CWC27: variants seen among roughly 807,000 people sequenced by gnomAD.
CWC27 encodes CWC27 spliceosome associated cyclophilin, also known as spliceosome-associated protein CWC27 homolog.
Under a neutral mutation model 63.6 loss-of-function variants are expected in CWC27, and 47 were observed. The ratio of observed to expected loss-of-function variants is 0.74; its 90% CI spans 0.58 to 0.94. CWC27 has a LOEUF of 0.94. Ranked by LOEUF, CWC27 falls within the 40% of genes least tolerant of loss-of-function variation. The probability of loss-of-function intolerance (pLI) is 0.00; values close to 1 mark genes in which losing one functional copy is unlikely to be tolerated. For missense variants in CWC27, 495 were observed against 554.3 expected, an observed-to-expected ratio of 0.89 and a Z score of 1.07; for synonymous variants, 175 against 179.8, an observed-to-expected ratio of 0.97 and a Z score of 0.22.
chr5:64,810,690 G>A (rs1744850582), intron 10 of CWC27, among the ~76,000 whole-genome samples: 1 of 151,500 alleles, frequency 6.6e-6, no homozygotes, highest in South Asian at 2.1e-4. Context: ...CATTAATTTG[G>A]GGCAATATAC....
chr5:64,816,932 T>C (rs1225251496), intron 10 of CWC27, among the ~76,000 whole-genome samples: 2 of 152,142 alleles, frequency 1.3e-5, no homozygotes, highest in Non-Finnish European at 2.9e-5. Flanking sequence ...GCTGATCACC[T>C]TGTATTTCAT....
intron 10 of CWC27, among the ~76,000 whole-genome samples, chr5:64,869,291 C>T (rs1156511402): frequency 1.3e-5 from 2 of 152,066 alleles, no homozygotes; most frequent in Admixed American, 1.3e-4. Flanking sequence ...TAAGAACCCA[C>T]ATAAATATAA....
chr5:64,916,885 T>TTAGTATTAGTAGTAG (rs777253798), intron 11 of CWC27, among the ~76,000 whole-genome samples: 1,581 of 144,022 alleles, frequency 0.011, 29 homozygotes, highest in African/African-American at 0.039. Flanking sequence ...AGTAGTAGTA[T>TTAGTATTAGTAGTAG]TAGTAGTAGT....
At chr5:64,937,616 G>T (rs544888954) in intron 11 of CWC27, among the ~76,000 whole-genome samples, 1 of 152,218 alleles carries the variant, frequency 6.6e-6, no homozygotes, top group East Asian at 1.9e-4. Context: ...GGTCTGCTTG[G>T]TCCAGAGCTG....
intron 11 of CWC27, among the ~76,000 whole-genome samples, chr5:64,934,259 CA>C (rs1226721266): frequency 6.6e-6 from 1 of 152,184 alleles, no homozygotes; most frequent in East Asian, 1.9e-4. Flanking sequence ...CCTAGAACCC[CA>C]CTTCCCAACA....
chr5:65,000,892 T>G (rs1468293814), intron 13 of CWC27, among the ~76,000 whole-genome samples: 1 of 152,112 alleles, frequency 6.6e-6, no homozygotes, highest in Non-Finnish European at 1.5e-5. Context: ...AGGGATTGCA[T>G]TGACTCTGTA....
Position 64,917,220 on chromosome 5 carries a change from G to T in CWC27, c.1042+31674G>T, listed in dbSNP as rs762699603. Among the ~76,000 whole-genome samples the T allele has an allele frequency of 1.3e-5, 2 of 152,056 alleles. 1 individual carries two copies. Among genetic ancestry groups the T allele is most frequent in the South Asian group, 4.2e-4 (2 of 4,818 alleles). ...CCCTGCATTTTCACTACTTCTACAC[G>T]TGTTCTTATCCAAGGTGCCATCCAT... On this transcript the variant is annotated intron_variant, in intron 11 of 13. Transcript: ENST00000381070.
chr5:64,895,030 T>C (rs150058304), intron 11 of CWC27, among the ~76,000 whole-genome samples: 18 of 152,142 alleles, frequency 1.2e-4, no homozygotes, highest in Admixed American at 3.9e-4. Flanking sequence ...CACAAAATAT[T>C]TGGGAGCAAG....
At chr5:64,826,136 A>C (rs1311705787) in intron 10 of CWC27, among the ~76,000 whole-genome samples, 1 of 148,772 alleles carries the variant, frequency 6.7e-6, no homozygotes, top group Non-Finnish European at 1.5e-5. Context: ...TTATCTATTT[A>C]TCTGTCTTCT....
chr5:64,847,507 T>C (rs975346482), intron 10 of CWC27, among the ~76,000 whole-genome samples: 7 of 152,148 alleles, frequency 4.6e-5, no homozygotes, highest in Non-Finnish European at 5.9e-5. Context: ...AAGGAAACAC[T>C]GGACTGTAAC....
intron 13 of CWC27, among the ~76,000 whole-genome samples, chr5:64,993,346 GA>G (rs1303449635): frequency 6.6e-6 from 1 of 151,810 alleles, no homozygotes; most frequent in Non-Finnish European, 1.5e-5. Context: ...AGTAATATTT[GA>G]AAAAAAGGCA....
chr5:64,970,211 A>ATT (rs11369937), intron 11 of CWC27, among the ~76,000 whole-genome samples: 26 of 135,348 alleles, frequency 1.9e-4, no homozygotes, highest in East Asian at 1.1e-3. Context: ...TATGAAAGTA[A>ATT]TTTTTTTTTT....
intron 13 of CWC27, among the ~76,000 whole-genome samples, chr5:65,008,044 A>G (rs1036800756): frequency 6.6e-6 from 1 of 152,210 alleles, no homozygotes; most frequent in Non-Finnish European, 1.5e-5. Context: ...CACATAGTAT[A>G]TTTGTATGTA....
At chr5:64,927,953 G>A (rs1023783159) in intron 11 of CWC27, among the ~76,000 whole-genome samples, 2 of 152,116 alleles carry the variant, frequency 1.3e-5, no homozygotes, top group Non-Finnish European at 2.9e-5. Context: ...TCAGGAGTTC[G>A]AGACCAGCCT....
chr5:65,015,532 GTAGAGGGGTC>G (rs1172133336), intron 13 of CWC27, among the ~76,000 whole-genome samples: 3 of 152,210 alleles, frequency 2.0e-5, no homozygotes, highest in African/African-American at 7.2e-5. Context: ...CTGAAGTGCA[GTAGAGGGGTC>G]TAGATGCCCC....
chr5:64,840,400 T>TAC (rs1745798065), intron 10 of CWC27, among the ~76,000 whole-genome samples: 3 of 51,164 alleles, frequency 5.9e-5, no homozygotes, highest in Non-Finnish European at 1.1e-4. Flanking sequence ...AAAAAATATA[T>TAC]ATATATATAT....
At chr5:64,833,895 T>C in intron 10 of CWC27, among the ~76,000 whole-genome samples, 1 of 151,616 alleles carries the variant, frequency 6.6e-6, no homozygotes, top group East Asian at 1.9e-4. Context: ...AAAGTAAAAG[T>C]ACCTAACCAT....
intron 13 of CWC27, among the ~76,000 whole-genome samples, chr5:65,001,690 A>G (rs2112466411): frequency 6.6e-6 from 1 of 152,150 alleles, no homozygotes; most frequent in African/African-American, 2.4e-5. Flanking sequence ...GGTGTGTATT[A>G]TCTTTTTGAT....
intron 11 of CWC27, among the ~76,000 whole-genome samples, chr5:64,914,019 A>G (rs1205971450): frequency 6.6e-6 from 1 of 152,170 alleles, no homozygotes; most frequent in Non-Finnish European, 1.5e-5. Context: ...AGAGCCTGAA[A>G]CAGACCCACA....
Sources: gnomAD v4.1 joint callset for allele counts (sites outside exome capture counted in the v4.1 genomes callset) on GRCh38, gnomAD v4.1.1 for gene constraint, MANE v1.5 for transcripts, NCBI Gene and HGNC (gene_info 2026-07-23, HGNC 2026-07-21) for gene names.